NT5C1B: variants seen among roughly 807,000 people sequenced by gnomAD.
NT5C1B encodes the protein cytosolic 5'-nucleotidase 1B.
NT5C1B carries 44 observed loss-of-function variants against 57.8 expected under a neutral mutation model. The ratio of observed to expected loss-of-function variants is 0.76; its 90% CI spans 0.60 to 0.98. The LOEUF is 0.98. Among genes scored for constraint, NT5C1B ranks in the 50% least tolerant of loss-of-function variants. The pLI, the probability that NT5C1B is intolerant of heterozygous loss-of-function variation, is 0.00. For synonymous variants in NT5C1B, 284 were observed against 282.6 expected (o/e 1.00, Z -0.05); for missense variants, 742 against 719.5 (o/e 1.03, Z -0.36).
At position 18,576,266 on chromosome 2, in the gene NT5C1B, T is replaced by G. The variant is rs748913385; in HGVS notation, c.1247A>C (p.Glu416Ala). ...ATGCTCCTTGGTAAAATGTTCAGACTCATCAGAGAAGAGGACAGCATCCCC... is the reference window on the plus strand; with the variant it reads ...ATGCTCCTTGGTAAAATGTTCAGACGCATCAGAGAAGAGGACAGCATCCCC... The change falls in exon 8 of 9, where the codon GAG (glutamate) becomes GCG (alanine). Residue 416 changes from glutamate (E) to alanine (A), a missense_variant. Physicochemically the swap from Glu to Ala is moderately radical, Grantham distance 107. Transcript: ENST00000304081. 1.5e-5 allele frequency: 25 copies of G among 1,613,642 alleles called. No individual in the cohort carries two copies. Among genetic ancestry groups the G allele is most frequent in the African/African-American group, 1.1e-4 (8 of 74,886 alleles).
chr2:18,579,773 A>C (rs1428147018), intron 6 of NT5C1B, among the ~76,000 whole-genome samples: 1 of 152,224 alleles, frequency 6.6e-6, no homozygotes, highest in African/African-American at 2.4e-5. Context: ...ACAACAAGAA[A>C]AAATTGACAA....
At position 18,569,680 on chromosome 2, in the gene NT5C1B, C is replaced by G. The variant is rs141475719; in HGVS notation, c.1330-5561G>C. 3.0e-3 allele frequency among the ~76,000 whole-genome samples: 460 copies of G among 151,810 alleles called. 4 individuals are homozygous for G. Among genetic ancestry groups the G allele is most frequent in the African/African-American group, 0.011 (436 of 41,432 alleles). On this transcript the variant is annotated intron_variant, in intron 8 of 8. Transcript: ENST00000304081. ...TATAATAATCCTAAATATGTAGGCA[C>G]CTAAAAACAGAGATTCAAAATACAT...
chr2:18,583,902 T>C (rs760398842), intron 5 of NT5C1B, 186 bp downstream of exon 5: 2 of 942,058 alleles, frequency 2.1e-6, no homozygotes, highest in South Asian at 2.8e-5. Context: ...TGGGCTGGAG[T>C]CCCTTCCTCC....
chr2:18,583,763 A>G, intron 5 of NT5C1B: 1 of 500,366 alleles, frequency 2.0e-6, no homozygotes, highest in Non-Finnish European at 4.0e-6. Flanking sequence ...ATGGCGTTTT[A>G]TTTCTACTAC....
chr2:18,563,483 C>G (rs1664355907), exon 9 of NT5C1B: 1 of 205,326 alleles, frequency 4.9e-6, no homozygotes, highest in Non-Finnish European at 9.7e-6. Flanking sequence ...GTTTATAAAA[C>G]TAAGTAAGCT....
At chr2:18,578,154 C>G (rs1005311921) in intron 6 of NT5C1B, among the ~76,000 whole-genome samples, 16 of 152,220 alleles carry the variant, frequency 1.1e-4, no homozygotes, top group African/African-American at 3.9e-4. Flanking sequence ...ATAAACAGCC[C>G]TGGACCAGAT....
At chr2:18,572,841 T>C (rs1257311025) in intron 8 of NT5C1B, among the ~76,000 whole-genome samples, 1 of 152,202 alleles carries the variant, frequency 6.6e-6, no homozygotes, top group Admixed American at 6.5e-5. Flanking sequence ...AACCATGCAT[T>C]GCTTTTAGAA....
At chr2:18,570,829 GATA>G (rs1345254446) in intron 8 of NT5C1B, among the ~76,000 whole-genome samples, 1 of 152,142 alleles carries the variant, frequency 6.6e-6, no homozygotes, top group Non-Finnish European at 1.5e-5. Flanking sequence ...ATATGAAAAG[GATA>G]ATACCACATG....
exon 9 of NT5C1B, chr2:18,563,902 T>C (rs2148066951): frequency 6.2e-7 from 1 of 1,614,200 alleles, no homozygotes; most frequent in Non-Finnish European, 8.5e-7. Flanking sequence ...GGGCCGGATC[T>C]TCACCAAGAT....
At chr2:18,575,779 T>G (rs1455949358) in intron 8 of NT5C1B, among the ~76,000 whole-genome samples, 1 of 152,186 alleles carries the variant, frequency 6.6e-6, no homozygotes, top group African/African-American at 2.4e-5. Flanking sequence ...ATGCCTTTCT[T>G]GAGTTTGAAG....
intron 5 of NT5C1B, 45 bp from the exon 6 acceptor site, chr2:18,583,042 G>A: frequency 1.9e-6 from 3 of 1,592,950 alleles, no homozygotes; most frequent in Non-Finnish European, 2.6e-6. Flanking sequence ...GGCAGGCAGG[G>A]TGGATCTGGG....
At chr2:18,571,708 C>CTCTG (rs1553327175) in intron 8 of NT5C1B, among the ~76,000 whole-genome samples, 2 of 94,320 alleles carry the variant, frequency 2.1e-5, no homozygotes, top group African/African-American at 1.1e-4. Flanking sequence ...CTCTTTCTCT[C>CTCTG]TGTGTGTGTG....
intron 2 of NT5C1B, 67 bp downstream of exon 2, chr2:18,587,436 C>G: frequency 6.3e-7 from 1 of 1,594,478 alleles, no homozygotes; most frequent in Non-Finnish European, 8.5e-7. Flanking sequence ...ACTCCCTGCC[C>G]CCTAACATTT....
chr2:18,587,255 C>T (rs922794851), intron 2 of NT5C1B: 1 of 1,512,332 alleles, frequency 6.6e-7, no homozygotes, highest in Admixed American at 2.0e-5. Context: ...AGTCTCCCCC[C>T]TGTGTAGGCT....
chr2:18,572,077 C>A (rs1459115935), intron 8 of NT5C1B, among the ~76,000 whole-genome samples: 6 of 85,012 alleles, frequency 7.1e-5, no homozygotes, highest in Admixed American at 5.0e-4. Context: ...CAGAGCGAGA[C>A]TCTGTCAAAA....
At chr2:18,581,436 G>GTT (rs905799207) in intron 6 of NT5C1B, among the ~76,000 whole-genome samples, 1 of 148,312 alleles carries the variant, frequency 6.7e-6, no homozygotes, top group East Asian at 2.0e-4. Flanking sequence ...ATATTCAGAG[G>GTT]TTTTTTTTTT....
At chr2:18,572,100 AAAAG>A (rs1665254088) in intron 8 of NT5C1B, among the ~76,000 whole-genome samples, 1 of 151,166 alleles carries the variant, frequency 6.6e-6, no homozygotes, top group Non-Finnish European at 1.5e-5. Context: ...AAAAAAAAAA[AAAAG>A]AACTACTATA....
intron 2 of NT5C1B, 165 bp from the exon 3 acceptor site, chr2:18,586,556 A>G: frequency 1.8e-6 from 2 of 1,092,330 alleles, no homozygotes; most frequent in Non-Finnish European, 2.5e-6. Context: ...GTACTATTCT[A>G]ACTCTGGTCT....
chr2:18,587,310 T>C (rs942992007), intron 2 of NT5C1B, 193 bp downstream of exon 2: 109 of 1,478,278 alleles, frequency 7.4e-5, no homozygotes, highest in Non-Finnish European at 9.6e-5. Context: ...AAGTGAACAC[T>C]AGGGTATGGA....
Sources: gnomAD v4.1 joint callset for allele counts (sites outside exome capture counted in the v4.1 genomes callset) on GRCh38, gnomAD v4.1.1 for gene constraint, MANE v1.5 for transcripts, NCBI Gene and HGNC (gene_info 2026-07-23, HGNC 2026-07-21) for gene names.